Variants in KDM4C observed in about 807,000 individuals in gnomAD.
The protein encoded by KDM4C is lysine demethylase 4C.
A neutral mutation model predicts 129.3 loss-of-function variants in KDM4C; 81 were observed. That is an observed-to-expected ratio of 0.63 (90% CI 0.52 to 0.75). KDM4C has a LOEUF of 0.75. Ranked by LOEUF, KDM4C falls within the 30% of genes least tolerant of loss-of-function variation. KDM4C has a pLI of 0.00. For missense variants in KDM4C, 1,457 were observed against 1,304.0 expected (o/e 1.12, Z -1.81); for synonymous variants, 573 against 456.1 (o/e 1.26, Z -3.26).
chr9:6,763,035 G>C (rs892059289), intron 1 of KDM4C, among the ~76,000 whole-genome samples: 1 of 150,828 alleles, frequency 6.6e-6, no homozygotes, highest in Non-Finnish European at 1.5e-5. Context: ...TCCGCTGGTG[G>C]GGGGGGATGG....
intron 1 of KDM4C, among the ~76,000 whole-genome samples, chr9:6,747,416 T>G (rs1563925128): frequency 6.7e-6 from 1 of 149,958 alleles, no homozygotes; most frequent in African/African-American, 2.5e-5. Flanking sequence ...GGCGTGGTGG[T>G]GGGCGCCTGT....
At chr9:7,075,789 A>G (rs1833840990) in intron 17 of KDM4C, among the ~76,000 whole-genome samples, 1 of 151,330 alleles carries the variant, frequency 6.6e-6, no homozygotes, top group African/African-American at 2.4e-5. Flanking sequence ...TCCTGGGCAT[A>G]CTCTTTAATC....
chr9:6,739,318 C>A (rs985597977), intron 1 of KDM4C, among the ~76,000 whole-genome samples: 1 of 152,026 alleles, frequency 6.6e-6, no homozygotes, highest in Non-Finnish European at 1.5e-5. Flanking sequence ...GGTGACCTGT[C>A]CCCCTGCACC....
chr9:6,939,998 CT>C, intron 8 of KDM4C, among the ~76,000 whole-genome samples: 1 of 122,972 alleles, frequency 8.1e-6, no homozygotes, highest in Non-Finnish European at 1.8e-5. Context: ...TCCTTCCTTC[CT>C]TCCTTCCTTC....
chr9:6,854,123 A>G (rs187259251), intron 5 of KDM4C, among the ~76,000 whole-genome samples: 1 of 152,278 alleles, frequency 6.6e-6, no homozygotes, highest in African/African-American at 2.4e-5. Context: ...ATTAAAAAAA[A>G]ATGTGATTCT....
intron 3 of KDM4C, among the ~76,000 whole-genome samples, chr9:6,806,939 C>G (rs994765606): frequency 1.3e-5 from 2 of 150,964 alleles, no homozygotes; most frequent in Non-Finnish European, 2.9e-5. Context: ...CGGTCTCCCT[C>G]TCATGCGGAG....
At chr9:7,041,754 C>G (rs535008769) in intron 15 of KDM4C, among the ~76,000 whole-genome samples, 1 of 151,982 alleles carries the variant, frequency 6.6e-6, no homozygotes, top group African/African-American at 2.4e-5. Flanking sequence ...ACTCAGGTTT[C>G]AGGTGTTTTG....
At chr9:7,106,345 G>C (rs538766877) in intron 18 of KDM4C, among the ~76,000 whole-genome samples, 1 of 152,212 alleles carries the variant, frequency 6.6e-6, no homozygotes, top group Non-Finnish European at 1.5e-5. Flanking sequence ...TAGTTTGTCT[G>C]TGTTCTCAAC....
chr9:6,994,901 A>C lies in KDM4C; in HGVS notation c.1786+4377A>C, dbSNP rs974396601. 2.0e-5 allele frequency among the ~76,000 whole-genome samples: 3 copies of C among 152,232 alleles called. No individual in the cohort carries two copies. The East Asian group carries it at 5.8e-4, about 29-fold the overall frequency. ...CAACTTCTAGAATTACCTCAAAGTT[A>C]AAATGCAGCTGACCCATTGTAGATG... On this transcript the variant is annotated intron_variant, in intron 12 of 21. Coordinates refer to ENST00000381309, the MANE Select transcript of KDM4C (RefSeq NM_015061.6).
intron 15 of KDM4C, among the ~76,000 whole-genome samples, chr9:7,032,680 T>G (rs556720697): frequency 6.6e-6 from 1 of 152,344 alleles, no homozygotes; most frequent in East Asian, 1.9e-4. Flanking sequence ...AGGATCACTC[T>G]TGTGTGTCCT....
chr9:6,949,241 C>A (rs373677513), intron 8 of KDM4C, among the ~76,000 whole-genome samples: 495 of 151,852 alleles, frequency 3.3e-3, no homozygotes, highest in African/African-American at 0.011. Context: ...TCCTCACCTC[C>A]CAGACGGGGT....
chr9:6,892,450 A>G (rs991107988), intron 7 of KDM4C, among the ~76,000 whole-genome samples: 4 of 152,186 alleles, frequency 2.6e-5, no homozygotes, highest in Admixed American at 1.3e-4. Context: ...AATACATTTA[A>G]AATTCTTTTT....
At chr9:6,939,006 A>G (rs922321597) in intron 8 of KDM4C, among the ~76,000 whole-genome samples, 1 of 151,854 alleles carries the variant, frequency 6.6e-6, no homozygotes, top group African/African-American at 2.4e-5. Context: ...GATGTTAAAG[A>G]TTGTAAACAT....
chr9:7,025,838 C>G (rs1257033709), intron 15 of KDM4C, among the ~76,000 whole-genome samples: 3 of 152,036 alleles, frequency 2.0e-5, no homozygotes, highest in African/African-American at 7.2e-5. Context: ...TTTTTGTGTA[C>G]TTACTATTAC....
At chr9:7,036,381 A>C (rs546687712) in intron 15 of KDM4C, among the ~76,000 whole-genome samples, 1 of 152,292 alleles carries the variant, frequency 6.6e-6, no homozygotes, top group South Asian at 2.1e-4. Context: ...GACCCTGGAA[A>C]TACTATTATG....
chr9:6,847,421 C>T (rs188540090), intron 4 of KDM4C, among the ~76,000 whole-genome samples: 41 of 151,320 alleles, frequency 2.7e-4, no homozygotes, highest in South Asian at 1.9e-3. Flanking sequence ...TTTTTTGAGA[C>T]GGAGTCTTGC....
intron 2 of KDM4C, among the ~76,000 whole-genome samples, chr9:6,802,605 A>G (rs1829216031): frequency 6.6e-6 from 1 of 152,210 alleles, no homozygotes. Flanking sequence ...CTTCAGCTAC[A>G]TAGGCTGTTA....
intron 8 of KDM4C, chr9:6,948,258 C>G (rs1481439529): frequency 1.3e-5 from 2 of 152,234 alleles, no homozygotes; most frequent in African/African-American, 4.8e-5. Flanking sequence ...AATAAATTTG[C>G]AAAACTACTT....
At chr9:6,862,310 T>C (rs139884603) in intron 5 of KDM4C, among the ~76,000 whole-genome samples, 60 of 152,332 alleles carry the variant, frequency 3.9e-4, no homozygotes, top group Non-Finnish European at 7.6e-4. Context: ...ACATTACTTA[T>C]GAAATGTTTG....
Sources: gnomAD v4.1 joint callset for allele counts (sites outside exome capture counted in the v4.1 genomes callset) on GRCh38, gnomAD v4.1.1 for gene constraint, MANE v1.5 for transcripts, NCBI Gene and HGNC (gene_info 2026-07-23, HGNC 2026-07-21) for gene names.